Variants in MMS22L observed in about 807,000 individuals in gnomAD.
MMS22L encodes protein MMS22-like.
MMS22L carries 74 observed loss-of-function variants against 159.1 expected under a neutral mutation model. The observed-to-expected ratio is 0.47, with a 90% CI of 0.39 to 0.56. MMS22L has a LOEUF of 0.56. Among genes scored for constraint, MMS22L ranks in the 20% least tolerant of loss-of-function variants. The probability of loss-of-function intolerance (pLI) is 0.00; values close to 1 mark genes in which losing one functional copy is unlikely to be tolerated. For synonymous variants in MMS22L, 517 were observed against 506.9 expected (o/e 1.02, Z -0.27); for missense variants, 1,351 against 1,422.1 (o/e 0.95, Z 0.80).
chr6:97,182,948 G>A (rs1022273437), intron 15 of MMS22L, among the ~76,000 whole-genome samples: 3 of 152,018 alleles, frequency 2.0e-5, no homozygotes, highest in African/African-American at 7.2e-5. Flanking sequence ...CAGCACTCCT[G>A]CCATAATCTT....
At chr6:97,177,006 G>C (rs370734176) in intron 18 of MMS22L, among the ~76,000 whole-genome samples, 14 of 152,116 alleles carry the variant, frequency 9.2e-5, no homozygotes, top group African/African-American at 3.1e-4. Context: ...CCTAAATCAT[G>C]ATGTTCCTAT....
At chr6:97,282,808 C>T (rs1277375037) in intron 1 of MMS22L, among the ~76,000 whole-genome samples, 1 of 152,206 alleles carries the variant, frequency 6.6e-6, no homozygotes, top group Non-Finnish European at 1.5e-5. Flanking sequence ...AAAGAAATGT[C>T]TGCAGGACAT....
At position 97,269,963 on chromosome 6, in the gene MMS22L, A is replaced by G; in HGVS notation, c.636T>C (p.His212=). The G allele has an allele frequency of 1.2e-6, 2 of 1,612,640 alleles. No homozygotes were observed. Among genetic ancestry groups the G allele is most frequent in the Non-Finnish European group, 8.5e-7 (1 of 1,179,264 alleles). The stretch of plus-strand genomic sequence containing the variant: ...CCAGCCAATGTATATCCAAGTGGAG[A>G]TGTAATAAATGCCATGACGGTGGAA... ...KLFPPSWHLL[H]LHLDIHWLVL... Residue 212 remains histidine, a synonymous_variant, in exon 7 of 25, where the codon CAT becomes CAC. Coordinates refer to ENST00000683635, the MANE Select transcript of MMS22L (RefSeq NM_001350599.2).
At chr6:97,216,415 A>G (rs1809021516) in intron 14 of MMS22L, among the ~76,000 whole-genome samples, 1 of 152,006 alleles carries the variant, frequency 6.6e-6, no homozygotes, top group Non-Finnish European at 1.5e-5. Context: ...GCATTTATTG[A>G]ATGTAAATGC....
chr6:97,156,526 T>C (rs546320858), intron 22 of MMS22L, among the ~76,000 whole-genome samples: 1 of 152,330 alleles, frequency 6.6e-6, no homozygotes, highest in South Asian at 2.1e-4. Flanking sequence ...AGTTTCAGTT[T>C]TCTGAATATG....
intron 10 of MMS22L, chr6:97,253,960 C>T (rs1289492088): frequency 6.6e-6 from 1 of 152,162 alleles, no homozygotes; most frequent in Non-Finnish European, 1.5e-5. Context: ...AAAAATAGGG[C>T]TTCAAAGTAA....
intron 11 of MMS22L, among the ~76,000 whole-genome samples, chr6:97,244,601 C>T (rs1812433992): frequency 6.6e-6 from 1 of 152,182 alleles, no homozygotes; most frequent in South Asian, 2.1e-4. Context: ...AGTCTCACAT[C>T]CTACATTTTT....
chr6:97,280,231 G>C (rs1816638489), intron 3 of MMS22L, among the ~76,000 whole-genome samples: 1 of 152,018 alleles, frequency 6.6e-6, no homozygotes, highest in Non-Finnish European at 1.5e-5. Context: ...ACTGTGTTTT[G>C]GAATAATTAG....
intron 19 of MMS22L, among the ~76,000 whole-genome samples, chr6:97,171,788 C>T (rs1487754547): frequency 1.3e-5 from 2 of 152,058 alleles, no homozygotes; most frequent in Admixed American, 6.6e-5. Flanking sequence ...TTATGCTATC[C>T]CAACCCCAAC....
intron 14 of MMS22L, among the ~76,000 whole-genome samples, chr6:97,211,887 T>G (rs1808418787): frequency 6.6e-6 from 1 of 152,168 alleles, no homozygotes; most frequent in African/African-American, 2.4e-5. Context: ...TGAACTGCTA[T>G]CTAAATAAAC....
intron 10 of MMS22L, among the ~76,000 whole-genome samples, chr6:97,247,654 G>GT (rs771871264): frequency 2.6e-5 from 4 of 152,014 alleles, no homozygotes; most frequent in Non-Finnish European, 5.9e-5. Context: ...GGAGGTGTAG[G>GT]TTGTAGTGAG....
At chr6:97,171,680 T>G (rs1178937148) in intron 19 of MMS22L, among the ~76,000 whole-genome samples, 1 of 152,182 alleles carries the variant, frequency 6.6e-6, no homozygotes, top group African/African-American at 2.4e-5. Flanking sequence ...CTAGCAGTCT[T>G]GCAACCTTGT....
intron 20 of MMS22L, among the ~76,000 whole-genome samples, chr6:97,167,468 C>G (rs1275969021): frequency 6.6e-6 from 1 of 152,144 alleles, no homozygotes; most frequent in African/African-American, 2.4e-5. Flanking sequence ...AACCTCCACA[C>G]CAATTATCTT....
At chr6:97,187,236 A>G (rs544787219) in intron 14 of MMS22L, among the ~76,000 whole-genome samples, 2 of 152,318 alleles carry the variant, frequency 1.3e-5, no homozygotes, top group East Asian at 3.9e-4. Context: ...TTGGTAGGCA[A>G]TAATATACAA....
chr6:97,174,445 G>A (rs1803916973), intron 18 of MMS22L, among the ~76,000 whole-genome samples: 2 of 152,058 alleles, frequency 1.3e-5, no homozygotes, highest in Admixed American at 1.3e-4. Context: ...AGAGGTGGTT[G>A]CACTGAGCCA....
chr6:97,157,700 G>A (rs980350115), intron 22 of MMS22L, among the ~76,000 whole-genome samples: 2 of 152,160 alleles, frequency 1.3e-5, no homozygotes, highest in African/African-American at 2.4e-5. Flanking sequence ...GCTTTTTGAT[G>A]TGCTGCTGGC....
At position 97,165,387 on chromosome 6, in the gene MMS22L, A is replaced by G. The variant is rs140611452; in HGVS notation, c.3080T>C (p.Ile1027Thr). 206 of 1,613,404 alleles carry G rather than the reference A, an allele frequency of 1.3e-4. No homozygotes were observed. The African/African-American group carries it at 2.5e-3, about 20-fold the overall frequency. The change falls in exon 21 of 25, where the codon ATT becomes ACT. Residue 1027 changes from isoleucine to threonine, a missense_variant. Coordinates refer to ENST00000683635, the MANE Select transcript of MMS22L (RefSeq NM_001350599.2). Reference protein sequence around the residue: ...AYLNQLLGNVIEQYIGRFLPA... With the variant: ...AYLNQLLGNVTEQYIGRFLPA... Reference sequence around the variant, plus strand: ...AAGAAATCGCCCAATATACTGCTCAATAACATTCCCTAGCAATTGATTCAA... The same window carrying G: ...AAGAAATCGCCCAATATACTGCTCAGTAACATTCCCTAGCAATTGATTCAA...
intron 21 of MMS22L, among the ~76,000 whole-genome samples, chr6:97,163,470 A>G (rs1802652816): frequency 6.6e-6 from 1 of 152,016 alleles, no homozygotes; most frequent in Non-Finnish European, 1.5e-5. Context: ...ACTATAAACC[A>G]CAAGAAAAAC....
chr6:97,144,395 T>A lies in MMS22L; in HGVS notation c.*2411A>T, dbSNP rs1800797668. The A allele has an allele frequency of 6.6e-6, 1 of 152,184 alleles. No individual in the cohort carries two copies. Among genetic ancestry groups the A allele is most frequent in the Non-Finnish European group, 1.5e-5 (1 of 68,028 alleles). 9.4% of individuals were successfully genotyped at this position (152,184 alleles called of 1,614,324 possible). On this transcript the variant is annotated 3_prime_UTR_variant, in exon 25 of 25. Coordinates refer to ENST00000683635, the MANE Select transcript of MMS22L (RefSeq NM_001350599.2). ...ATACTCAGATTTTGCATCCCACAAA[T>A]ACTGTATTTTAGATCCACATATAAG...
Sources: gnomAD v4.1 joint callset for allele counts (sites outside exome capture counted in the v4.1 genomes callset) on GRCh38, gnomAD v4.1.1 for gene constraint, MANE v1.5 for transcripts, NCBI Gene and HGNC (gene_info 2026-07-23, HGNC 2026-07-21) for gene names.